CTTN: variants seen among roughly 807,000 people sequenced by gnomAD.
CTTN encodes src substrate cortactin.
CTTN carries 28 observed loss-of-function variants against 84.0 expected under a neutral mutation model. That is an observed-to-expected ratio of 0.33 (90% CI 0.25 to 0.46). CTTN has a LOEUF of 0.46. Among genes scored for constraint, CTTN ranks in the 20% least tolerant of loss-of-function variants. The pLI is 1.00. For missense variants in CTTN, 641 were observed against 723.8 expected (o/e 0.89, Z 1.31); for synonymous variants, 301 against 288.8 (o/e 1.04, Z -0.43).
At chr11:70,433,574 G>A (rs377046755) in intron 16 of CTTN, 73 bp from the exon 17 acceptor site, 16 of 1,171,340 alleles carry the variant, frequency 1.4e-5, no homozygotes, top group East Asian at 4.7e-5. Flanking sequence ...AGGAAGTGTC[G>A]TCTAAAACTT....
At chr11:70,416,088 G>T (rs1292973414) in intron 7 of CTTN, 3 of 234,902 alleles carry the variant, frequency 1.3e-5, no homozygotes, top group Admixed American at 5.2e-5. Context: ...TCCCCCCAAG[G>T]CTAGAAACCA....
At chr11:70,413,121 G>GCA (rs2058113848) in intron 5 of CTTN, among the ~76,000 whole-genome samples, 3 of 152,366 alleles carry the variant, frequency 2.0e-5, no homozygotes, top group Admixed American at 2.0e-4. Context: ...AGAGGGCGCA[G>GCA]CACAGGCCCA....
chr11:70,423,125 T>A (rs1007713896), intron 12 of CTTN, 130 bp downstream of exon 12: 2 of 1,124,346 alleles, frequency 1.8e-6, no homozygotes, highest in African/African-American at 1.5e-5. Context: ...GTGGTGGTGG[T>A]GGTGGCGATG....
At chr11:70,432,526 G>T (rs1040589343) in intron 15 of CTTN, among the ~76,000 whole-genome samples, 9 of 152,254 alleles carry the variant, frequency 5.9e-5, no homozygotes, top group Non-Finnish European at 1.0e-4. Flanking sequence ...AAGCAGTTCA[G>T]AATTTTCGCT....
chr11:70,420,291 G>A (rs1018534360), intron 9 of CTTN, 109 bp from the exon 10 acceptor site: 23 of 749,488 alleles, frequency 3.1e-5, no homozygotes, highest in Non-Finnish European at 5.0e-5. Flanking sequence ...CGGAAGGGAA[G>A]AGTAGATTGA....
intron 14 of CTTN, 47 bp from the exon 15 acceptor site, chr11:70,431,144 C>T: frequency 6.4e-7 from 1 of 1,565,194 alleles, no homozygotes; most frequent in African/African-American, 1.4e-5. Context: ...CGTGACAGTG[C>T]AGAGTGTCAT....
At position 70,424,161 on chromosome 11, in the gene CTTN, G is replaced by A. The variant is rs549870748; in HGVS notation, c.957+1166G>A. ...GAGTTGGGAGGGGAGTAGGCACGCG[G>A]TCAGAGGACACTGGGCAGGGGGACC... is the stretch of plus-strand genomic sequence containing the variant. On this transcript the variant is annotated intron_variant, in intron 12 of 17. Transcript: ENST00000301843. 2.2e-4 allele frequency among the ~76,000 whole-genome samples: 34 copies of A among 152,262 alleles called. 1 individual carries two copies. The South Asian group carries it at 7.0e-3, about 32-fold the overall frequency.
rs370623790 is a variant in CTTN at position 70,435,253 on chromosome 11, G to GTTTTTTTTTTTTTTTT, written c.*101_*116dup. On this transcript the variant is annotated 3_prime_UTR_variant, in exon 18 of 18. Coordinates refer to ENST00000301843, the MANE Select transcript of CTTN (RefSeq NM_005231.4). ...TCTTGGGTGGTTTTGGGTTTTTTCTGTTTTTTTTTTTTTTTTTTTTTTTTT... is the reference window on the plus strand; with the variant it reads ...TCTTGGGTGGTTTTGGGTTTTTTCTGTTTTTTTTTTTTTTTTTTTTTTTTTTTTTTTTTTTTTTTTT... The GTTTTTTTTTTTTTTTT allele has an allele frequency of 2.0e-5, 19 of 938,778 alleles. No homozygotes were observed. The highest frequency in any genetic ancestry group is 1.6e-4 in the East Asian group (3 of 19,060). The allele number at this position is 938,778 out of a possible 1,614,324, so 58.2% of individuals were successfully genotyped here. A position where few individuals can be genotyped will look rare whatever the true frequency, so the allele number is the denominator to read the frequency against.
chr11:70,400,789 G>A (rs1278329088), intron 1 of CTTN, among the ~76,000 whole-genome samples: 1 of 152,226 alleles, frequency 6.6e-6, no homozygotes, highest in African/African-American at 2.4e-5. Flanking sequence ...CAAGAGCAGG[G>A]GACTGTGCTC....
rs375368356 is a variant in CTTN, at chr11:70,423,213, G to T, written c.957+218G>T. Among the ~76,000 whole-genome samples the T allele has an allele frequency of 2.6e-5, 4 of 152,156 alleles. No individual in the cohort carries two copies. The East Asian group carries it at 7.7e-4, about 29-fold the overall frequency. On this transcript the variant is annotated intron_variant, in intron 12 of 17. Coordinates refer to ENST00000301843, the MANE Select transcript of CTTN (RefSeq NM_005231.4). ...GGCACCGGCCCACCTCCTAACTGGG[G>T]GCCCCAGGCCAGGCAGGCTCAGCAC...
chr11:70,436,230 C>G lies in CTTN; in HGVS notation c.*1068C>G. ...GTGTGTGTTCTTCCCCAAGGTCCCC[C>G]CACAGCTCCAGGACACCGCTGTCCT... On this transcript the variant is annotated 3_prime_UTR_variant, in exon 18 of 18. Coordinates refer to ENST00000301843, the MANE Select transcript of CTTN (RefSeq NM_005231.4). 6.3e-7 allele frequency: 1 copy of G among 1,584,480 alleles called. No homozygotes were observed. The highest frequency in any genetic ancestry group is 8.5e-7 in the Non-Finnish European group (1 of 1,171,794).
Position 70,435,334 on chromosome 11 carries a change from C to T in CTTN, c.*172C>T, listed in dbSNP as rs1462593952. 7.2e-7 allele frequency: 1 copy of T among 1,381,636 alleles called. No homozygotes were observed. Among genetic ancestry groups the T allele is most frequent in the East Asian group, 2.9e-5 (1 of 34,896 alleles). 85.6% of individuals were successfully genotyped at this position (1,381,636 alleles called of 1,614,324 possible). A position where few individuals can be genotyped will look rare whatever the true frequency, so the allele number is the denominator to read the frequency against. On this transcript the variant is annotated 3_prime_UTR_variant, in exon 18 of 18. Coordinates refer to ENST00000301843, the MANE Select transcript of CTTN (RefSeq NM_005231.4). ...TTTATATTTAATACTTTTGCTGATGCTTTTGAAAATGTTTATGCCACAGAA... is the reference window on the plus strand; with the variant it reads ...TTTATATTTAATACTTTTGCTGATGTTTTTGAAAATGTTTATGCCACAGAA...
rs1244541192 is a variant in CTTN, at chr11:70,436,332, G to T, written c.*1170G>T. 5 of 1,598,364 alleles carry T rather than the reference G, an allele frequency of 3.1e-6. No individual in the cohort carries two copies. The South Asian group carries it at 4.4e-5, about 14-fold the overall frequency. ...CGGGAGGCTGGACCAGTCCCGTCGT[G>T]CAGTCAGGTGGGCGGTGTGTCTTTC... On this transcript the variant is annotated 3_prime_UTR_variant, in exon 18 of 18. Transcript: ENST00000301843.
intron 11 of CTTN, chr11:70,422,732 C>A: frequency 6.9e-7 from 1 of 1,453,124 alleles, no homozygotes; most frequent in South Asian, 1.3e-5. Context: ...CTGCCCCTGG[C>A]CTGTGCTCTG....
At chr11:70,422,246 C>T (rs2135581187) in intron 11 of CTTN, 1 of 348,388 alleles carries the variant, frequency 2.9e-6, no homozygotes, top group East Asian at 7.5e-5. Context: ...AACCTGAACA[C>T]ATAATTGGAA....
At chr11:70,402,107 C>G (rs373589929) in intron 1 of CTTN, among the ~76,000 whole-genome samples, 1 of 152,064 alleles carries the variant, frequency 6.6e-6, no homozygotes, top group Non-Finnish European at 1.5e-5. Flanking sequence ...GAGCCGAGAT[C>G]GCGCTGTTGC....
At chr11:70,425,097 A>G (rs1473358927) in intron 12 of CTTN, among the ~76,000 whole-genome samples, 1 of 152,104 alleles carries the variant, frequency 6.6e-6, no homozygotes, top group Non-Finnish European at 1.5e-5. Flanking sequence ...GAGCAGATGG[A>G]GATACATGCA....
chr11:70,401,061 C>A lies in CTTN; in HGVS notation c.-98+2447C>A, dbSNP rs563825085. On this transcript the variant is annotated intron_variant, in intron 1 of 17. Transcript: ENST00000301843. Reference sequence around the variant, plus strand: ...ATTTAAAACATTCTTCTGCCAGGCTCGGTGGCTCACACCTGTAATCTCAGC... The same window carrying A: ...ATTTAAAACATTCTTCTGCCAGGCTAGGTGGCTCACACCTGTAATCTCAGC... Among the ~76,000 whole-genome samples the A allele has an allele frequency of 2.0e-5, 3 of 152,202 alleles. No homozygotes were observed. In the East Asian group the frequency reaches 5.8e-4, roughly 29 times the overall value.
chr11:70,399,144 G>A (rs2057945750), intron 1 of CTTN, among the ~76,000 whole-genome samples: 1 of 150,446 alleles, frequency 6.6e-6, no homozygotes, highest in Non-Finnish European at 1.5e-5. Context: ...GGTGTGGGGG[G>A]TCTCAAGGAA....
Sources: allele counts gnomAD v4.1 joint callset (sites outside exome capture counted in the v4.1 genomes callset), GRCh38; gene constraint gnomAD v4.1.1; transcripts MANE v1.5; gene names NCBI Gene and HGNC (gene_info 2026-07-23, HGNC 2026-07-21).